The following METAP2 variants were observed in gnomAD, a reference collection of about 807,000 sequenced individuals.
METAP2 encodes methionine aminopeptidase 2.
In METAP2, 25 loss-of-function variants were observed where a neutral mutation model predicts 59.4. The ratio of observed to expected loss-of-function variants is 0.42; its 90% CI spans 0.31 to 0.59. METAP2 has a LOEUF of 0.59. METAP2 is among the 20% of genes least tolerant of loss of function. The pLI is 0.16. For synonymous variants in METAP2, 214 were observed against 194.1 expected (o/e 1.10, Z -0.85); for missense variants, 366 against 581.2 (o/e 0.63, Z 3.81).
intron 4 of METAP2, among the ~76,000 whole-genome samples, chr12:95,490,440 AG>A (rs1230783626): frequency 6.6e-6 from 1 of 151,672 alleles, no homozygotes; most frequent in African/African-American, 2.4e-5. Context: ...TTAAAGTATT[AG>A]CCAGTTTCTC....
intron 7 of METAP2, among the ~76,000 whole-genome samples, chr12:95,497,694 AGTAT>A (rs1167462670): frequency 6.6e-6 from 1 of 152,212 alleles, no homozygotes; most frequent in Non-Finnish European, 1.5e-5. Context: ...TCCCACCAAC[AGTAT>A]GCAAGGAAAG....
chr12:95,507,873 G>T (rs563892809), intron 8 of METAP2, among the ~76,000 whole-genome samples: 12 of 151,194 alleles, frequency 7.9e-5, no homozygotes, highest in African/African-American at 2.7e-4. Flanking sequence ...CCGCCTCCCA[G>T]GTTCAAGCAG....
At chr12:95,483,333 G>A (rs886476750) in intron 3 of METAP2, 53 bp downstream of exon 3, 17 of 1,408,524 alleles carry the variant, frequency 1.2e-5, no homozygotes, top group African/African-American at 1.0e-4. Context: ...TTATTCTGTC[G>A]GGTGTGGTGG....
Position 95,494,159 on chromosome 12 carries a change from C to G in METAP2, c.532C>G (p.Gln178Glu). The G allele has an allele frequency of 6.2e-7, 1 of 1,613,968 alleles. No homozygotes were observed. The highest frequency in any genetic ancestry group is 1.3e-5 in the African/African-American group (1 of 75,014). ...TCGAGAAGCTGCAGAAGCACATCGA[C>G]AAGTTAGAAAATACGTAATGAGCTG... ...DFREAAEAHR[Q>E]VRKYVMSWIK... Residue 178 changes from glutamine (Q) to glutamate (E), a missense_variant, in exon 5 of 11, where the codon CAA becomes GAA. Transcript: ENST00000323666.
intron 3 of METAP2, chr12:95,484,706 G>A (rs2076182998): frequency 8.3e-6 from 3 of 361,380 alleles, no homozygotes; most frequent in Admixed American, 8.5e-5. Flanking sequence ...TCTTTATGAG[G>A]TACTCTTTTT....
intron 2 of METAP2, among the ~76,000 whole-genome samples, chr12:95,482,616 TAAAA>T (rs55652210): frequency 1.5e-5 from 2 of 130,108 alleles, no homozygotes. Flanking sequence ...CCATCTCTAC[TAAAA>T]AAAAAAAAAA....
intron 3 of METAP2, 55 bp from the exon 4 acceptor site, chr12:95,485,824 A>G: frequency 8.3e-7 from 1 of 1,202,758 alleles, no homozygotes; most frequent in Non-Finnish European, 1.1e-6. Context: ...AACTCTAATA[A>G]CTGCTTAATT....
chr12:95,510,736 G>T (rs1025169768), intron 8 of METAP2, among the ~76,000 whole-genome samples: 2 of 152,178 alleles, frequency 1.3e-5, no homozygotes, highest in African/African-American at 4.8e-5. Context: ...AGGTCTTAGA[G>T]AAATAGTAAT....
chr12:95,475,834 A>G (rs1293226191), intron 1 of METAP2, among the ~76,000 whole-genome samples: 2 of 151,332 alleles, frequency 1.3e-5, no homozygotes, highest in Non-Finnish European at 2.9e-5. Context: ...CACGCTGTTT[A>G]TCTTTTAGCT....
intron 2 of METAP2, among the ~76,000 whole-genome samples, chr12:95,482,467 TAA>T (rs1228204799): frequency 2.0e-5 from 3 of 152,130 alleles, no homozygotes; most frequent in Non-Finnish European, 4.4e-5. Flanking sequence ...GATAATTTCA[TAA>T]GATTGAACAT....
chr12:95,475,907 T>C (rs937769004), intron 1 of METAP2, among the ~76,000 whole-genome samples, 164 bp from the exon 2 acceptor site: 1 of 152,236 alleles, frequency 6.6e-6, no homozygotes, highest in African/African-American at 2.4e-5. Flanking sequence ...TGTGTAGGTA[T>C]GGAAGATTTT....
rs200428360 is a variant in METAP2, at chr12:95,494,049, T to G, written c.429-7T>G. ...ATCACTAATAGTATTCTATGCCCAC[T>G]CTAAAGGCGAACAGCTGCTTGGAGA... On this transcript the variant is annotated splice_region_variant and splice_polypyrimidine_tract_variant and intron_variant, in intron 4 of 10. Transcript: ENST00000323666. 37 of 1,613,104 alleles carry G rather than the reference T, an allele frequency of 2.3e-5. No individual in the cohort carries two copies. The highest frequency in any genetic ancestry group is 3.0e-5 in the Non-Finnish European group (35 of 1,179,460).
At chr12:95,509,706 T>G (rs1436964260) in intron 8 of METAP2, among the ~76,000 whole-genome samples, 2 of 152,312 alleles carry the variant, frequency 1.3e-5, no homozygotes, top group East Asian at 3.9e-4. Flanking sequence ...TGAATTGATT[T>G]GTTTTTCTTG....
At chr12:95,486,599 G>C (rs1024413518) in intron 4 of METAP2, among the ~76,000 whole-genome samples, 1 of 151,880 alleles carries the variant, frequency 6.6e-6, no homozygotes, top group Non-Finnish European at 1.5e-5. Context: ...CCGGGTTCAA[G>C]TGATTCTCCT....
intron 4 of METAP2, among the ~76,000 whole-genome samples, chr12:95,492,630 A>G (rs76517511): frequency 0.028 from 4,268 of 151,948 alleles, 189 homozygotes; most frequent in African/African-American, 0.098. Flanking sequence ...TAGTGGTGCA[A>G]TCATAGCTCA....
rs565642994 is a variant in METAP2, at chr12:95,515,787, A to G, written c.*1883A>G. ...CGATGTACCTTATTGGCAACAAGTT[A>G]TTAGTTTGATGTTTAACAATAGTGC... On this transcript the variant is annotated 3_prime_UTR_variant, in exon 11 of 11. Coordinates refer to ENST00000323666, the MANE Select transcript of METAP2 (RefSeq NM_006838.4). 6.6e-6 allele frequency: 1 copy of G among 152,352 alleles called. No homozygotes were observed. The highest frequency in any genetic ancestry group is 2.4e-5 in the African/African-American group (1 of 41,600). 9.4% of individuals were successfully genotyped at this position (152,352 alleles called of 1,614,324 possible).
rs147070294 is a variant in METAP2 at position 95,490,492 on chromosome 12, G to T, written c.429-3564G>T. On this transcript the variant is annotated intron_variant, in intron 4 of 10. Transcript: ENST00000323666. ...AGTTTTTTCCTCTTGTAATTATTAA[G>T]TTGTGGGTAGTTGTTTTGAGTGTAT... Among the ~76,000 whole-genome samples, 238 of 150,920 alleles carry T rather than the reference G, an allele frequency of 1.6e-3. 1 individual carries two copies. Among genetic ancestry groups the T allele is most frequent in the African/African-American group, 5.5e-3 (228 of 41,124 alleles).
intron 4 of METAP2, among the ~76,000 whole-genome samples, chr12:95,490,755 T>TA (rs2140147952): frequency 6.6e-6 from 1 of 152,254 alleles, no homozygotes; most frequent in East Asian, 1.9e-4. Context: ...TGCATATGGT[T>TA]AGAGGCCTCA....
intron 3 of METAP2, 143 bp from the exon 4 acceptor site, chr12:95,485,736 A>C: frequency 1.8e-6 from 1 of 570,838 alleles, no homozygotes; most frequent in Non-Finnish European, 3.0e-6. Flanking sequence ...AGCATGATGA[A>C]GTGTCTTCTG....
Sources: allele counts gnomAD v4.1 joint callset (sites outside exome capture counted in the v4.1 genomes callset), GRCh38; gene constraint gnomAD v4.1.1; transcripts MANE v1.5; gene names NCBI Gene and HGNC (gene_info 2026-07-23, HGNC 2026-07-21).